Variants in NUBPL observed in about 807,000 individuals in gnomAD.
NUBPL encodes NUBP iron-sulfur cluster assembly factor, mitochondrial.
In NUBPL, 31 loss-of-function variants were observed where a neutral mutation model predicts 45.7. The ratio of observed to expected loss-of-function variants is 0.68; its 90% CI spans 0.51 to 0.92. NUBPL has a LOEUF of 0.92. Ranked by LOEUF, NUBPL falls within the 40% of genes least tolerant of loss-of-function variation. The pLI is 0.00. For missense variants in NUBPL, 401 were observed against 398.7 expected (o/e 1.01, Z -0.05); for synonymous variants, 144 against 140.9 (o/e 1.02, Z -0.15).
intron 4 of NUBPL, among the ~76,000 whole-genome samples, chr14:31,672,608 G>A (rs1226842654): frequency 3.3e-5 from 5 of 151,994 alleles, no homozygotes; most frequent in South Asian, 2.1e-4. Flanking sequence ...GACTATAGGC[G>A]TGCACCACCA....
At position 31,639,053 on chromosome 14, in the gene NUBPL, A is replaced by G. The variant is rs115456109; in HGVS notation, c.383-34302A>G. On this transcript the variant is annotated intron_variant, in intron 4 of 10. Coordinates refer to ENST00000281081, the MANE Select transcript of NUBPL (RefSeq NM_025152.3). ...TGAGTTTCCTCCCATAGCTCGGAGT[A>G]GTTTGGTTGTCTGAAGCCTTCTTCT... Among the ~76,000 whole-genome samples the G allele has an allele frequency of 6.0e-3, 918 of 152,138 alleles. 10 individuals carry two copies. The highest frequency in any genetic ancestry group is 0.021 in the African/African-American group (858 of 41,514).
chr14:31,761,852 T>C (rs2038817223), intron 6 of NUBPL, among the ~76,000 whole-genome samples: 1 of 152,296 alleles, frequency 6.6e-6, no homozygotes, highest in South Asian at 2.1e-4. Flanking sequence ...GGATATATAG[T>C]TTCTGTGTTC....
At chr14:31,789,975 A>T (rs1372566445) in intron 7 of NUBPL, among the ~76,000 whole-genome samples, 1 of 151,862 alleles carries the variant, frequency 6.6e-6, no homozygotes, top group Non-Finnish European at 1.5e-5. Flanking sequence ...ACAAATTTTA[A>T]GAATATTTAC....
Position 31,699,930 on chromosome 14 carries a change from C to T in NUBPL, c.513+26356C>T, listed in dbSNP as rs76936685. ...ACTGTAGGATTAGATTTTAAATGTT[C>T]TTACCATAATGAAATTTTAAAATGT... On this transcript the variant is annotated intron_variant, in intron 6 of 10. Coordinates refer to ENST00000281081, the MANE Select transcript of NUBPL (RefSeq NM_025152.3). Among the ~76,000 whole-genome samples the T allele has an allele frequency of 7.6e-3, 1,150 of 152,272 alleles. 6 individuals are homozygous for T. Among genetic ancestry groups the T allele is most frequent in the Middle Eastern group, 0.024 (7 of 292 alleles).
intron 4 of NUBPL, among the ~76,000 whole-genome samples, chr14:31,605,703 T>A (rs2034567112): frequency 1.3e-5 from 2 of 151,960 alleles, no homozygotes; most frequent in African/African-American, 4.8e-5. Context: ...ATCTTCTGCT[T>A]CTTTCTTCTT....
chr14:31,842,079 C>T lies in NUBPL; in HGVS notation c.694-4392C>T, dbSNP rs528472440. Among the ~76,000 whole-genome samples the T allele has an allele frequency of 7.9e-5, 12 of 150,962 alleles. No individual in the cohort carries two copies. The South Asian group carries it at 8.5e-4, about 11-fold the overall frequency. ...CTGAGTAGCTGGGACTACAGGCACC[C>T]GCCACCACGCCCAGCTAATTTTTGT... On this transcript the variant is annotated intron_variant, in intron 8 of 10. Transcript: ENST00000281081.
intron 6 of NUBPL, among the ~76,000 whole-genome samples, chr14:31,714,161 T>A (rs2037635698): frequency 6.6e-6 from 1 of 152,212 alleles, no homozygotes; most frequent in South Asian, 2.1e-4. Flanking sequence ...AGCCTCTATG[T>A]AAGATGTTTT....
intron 8 of NUBPL, among the ~76,000 whole-genome samples, chr14:31,842,070 A>G (rs1595701516): frequency 6.6e-6 from 1 of 150,882 alleles, no homozygotes; most frequent in Admixed American, 6.6e-5. Flanking sequence ...AGCTGGGACT[A>G]CAGGCACCCG....
At chr14:31,782,902 T>C (rs1469693488) in intron 6 of NUBPL, among the ~76,000 whole-genome samples, 1 of 152,250 alleles carries the variant, frequency 6.6e-6, no homozygotes, top group Non-Finnish European at 1.5e-5. Flanking sequence ...TGTTTTCCTA[T>C]AGCATAATTT....
At chr14:31,777,889 T>C (rs917426349) in intron 6 of NUBPL, among the ~76,000 whole-genome samples, 4 of 152,330 alleles carry the variant, frequency 2.6e-5, no homozygotes, top group Admixed American at 6.5e-5. Context: ...ATCTCTGTTG[T>C]GCCCTGATGG....
intron 4 of NUBPL, among the ~76,000 whole-genome samples, chr14:31,605,705 TTTCTTCTTTC>T (rs1033347170): frequency 2.6e-4 from 40 of 152,156 alleles, no homozygotes; most frequent in East Asian, 1.2e-3. Context: ...CTTCTGCTTC[TTTCTTCTTTC>T]TTCTTCTTTC....
At chr14:31,838,195 TG>T (rs2040312415) in intron 8 of NUBPL, among the ~76,000 whole-genome samples, 1 of 150,248 alleles carries the variant, frequency 6.7e-6, no homozygotes, top group Non-Finnish European at 1.5e-5. Flanking sequence ...ACATTGCTGG[TG>T]GTAGTATAAA....
intron 4 of NUBPL, among the ~76,000 whole-genome samples, chr14:31,639,861 C>T (rs2139693311): frequency 6.6e-6 from 1 of 152,294 alleles, no homozygotes; most frequent in African/African-American, 2.4e-5. Context: ...ATCAGAGAGA[C>T]TCCGTGGACA....
chr14:31,798,023 G>A (rs1310552388), intron 7 of NUBPL, among the ~76,000 whole-genome samples: 1 of 147,548 alleles, frequency 6.8e-6, no homozygotes, highest in East Asian at 2.0e-4. Context: ...TGAAATTCTG[G>A]GTTGAAAATT....
chr14:31,704,664 T>TAA (rs111698574), intron 6 of NUBPL, among the ~76,000 whole-genome samples: 9 of 145,718 alleles, frequency 6.2e-5, no homozygotes, highest in African/African-American at 2.0e-4. Context: ...AACTCCATCT[T>TAA]AAAAAAAAAA....
At chr14:31,665,437 G>C (rs1408178199) in intron 4 of NUBPL, among the ~76,000 whole-genome samples, 1 of 152,092 alleles carries the variant, frequency 6.6e-6, no homozygotes, top group Non-Finnish European at 1.5e-5. Flanking sequence ...TGAACTCATT[G>C]GTTTCAAAGA....
At chr14:31,625,042 CAA>C in intron 4 of NUBPL, among the ~76,000 whole-genome samples, 1 of 152,036 alleles carries the variant, frequency 6.6e-6, no homozygotes, top group Non-Finnish European at 1.5e-5. Context: ...CAACATAACC[CAA>C]AAGAGTTTTA....
At chr14:31,672,273 ATG>A (rs3035682) in intron 4 of NUBPL, among the ~76,000 whole-genome samples, 65,253 of 147,910 alleles carry the variant, frequency 0.44, 15,380 homozygotes, top group East Asian at 0.62. Context: ...CTGATTAGAT[ATG>A]TGTGTGTGTG....
Position 31,850,202 on chromosome 14 carries a change from G to GT in NUBPL, c.897+2dup, listed in dbSNP as rs1566598157. 6.2e-7 allele frequency: 1 copy of GT among 1,610,484 alleles called. No homozygotes were observed. Among genetic ancestry groups the GT allele is most frequent in the East Asian group, 2.2e-5 (1 of 44,828 alleles). The stretch of plus-strand genomic sequence containing the variant: ...GTTTTCACAGCCTGAAAGTGATGAG[G>GT]TAAGTTCCATTTTTGGATACATATT... On this transcript the variant is annotated splice_donor_variant, in intron 10 of 10. Coordinates refer to ENST00000281081, the MANE Select transcript of NUBPL (RefSeq NM_025152.3). LOFTEE classifies it high-confidence loss of function.
Sources: gnomAD v4.1 joint callset for allele counts (sites outside exome capture counted in the v4.1 genomes callset) on GRCh38, gnomAD v4.1.1 for gene constraint, MANE v1.5 for transcripts, NCBI Gene and HGNC (gene_info 2026-07-23, HGNC 2026-07-21) for gene names.